CDH13: variants seen among roughly 807,000 people sequenced by gnomAD.
The protein encoded by CDH13 is cadherin-13.
A neutral mutation model predicts 63.8 loss-of-function variants in CDH13; 24 were observed. The observed-to-expected ratio is 0.38, with a 90% CI of 0.27 to 0.53. The LOEUF (loss-of-function observed/expected upper bound fraction) is 0.53. CDH13 is among the 20% of genes least tolerant of loss of function. The pLI, the probability that CDH13 is intolerant of heterozygous loss-of-function variation, is 0.85. For missense variants in CDH13, 1,049 were observed against 903.1 expected (o/e 1.16, Z -2.07); for synonymous variants, 503 against 355.3 (o/e 1.42, Z -4.67).
intron 4 of CDH13, among the ~76,000 whole-genome samples, chr16:83,174,946 A>G (rs1432959774): frequency 2.0e-5 from 3 of 152,208 alleles, no homozygotes; most frequent in Admixed American, 1.3e-4. Context: ...AACTGCCCCC[A>G]TGATCCAGTC....
At chr16:82,834,449 A>G (rs975517698) in intron 1 of CDH13, among the ~76,000 whole-genome samples, 1 of 152,192 alleles carries the variant, frequency 6.6e-6, no homozygotes, top group Non-Finnish European at 1.5e-5. Context: ...TCATACAGCC[A>G]TAAGAAAGTT....
chr16:82,849,060 C>T (rs757814637), intron 1 of CDH13, among the ~76,000 whole-genome samples: 2 of 152,152 alleles, frequency 1.3e-5, no homozygotes, highest in African/African-American at 4.8e-5. Flanking sequence ...CGCAACGTTC[C>T]CTCAAACCAA....
rs370779909 is a variant in CDH13, at chr16:83,082,090, G to A, written c.367-43295G>A. On this transcript the variant is annotated intron_variant, in intron 3 of 13. Transcript: ENST00000567109. ...GCTGGGATTACAGGCCTGAGCCACT[G>A]TGCCCGGCCACCTAATTACTTCTTA... is the stretch of plus-strand genomic sequence containing the variant. Among the ~76,000 whole-genome samples the A allele has an allele frequency of 2.5e-4, 38 of 152,306 alleles. No homozygotes were observed. The East Asian group carries it at 7.0e-3, about 28-fold the overall frequency.
chr16:82,978,402 G>C (rs1011561897), intron 2 of CDH13, among the ~76,000 whole-genome samples: 1 of 152,220 alleles, frequency 6.6e-6, no homozygotes, highest in Non-Finnish European at 1.5e-5. Flanking sequence ...GGGCATGTCA[G>C]GGGTCTTCAT....
intron 7 of CDH13, among the ~76,000 whole-genome samples, chr16:83,592,672 C>A (rs1406653313): frequency 1.3e-5 from 2 of 152,172 alleles, no homozygotes; most frequent in East Asian, 1.9e-4. Flanking sequence ...GTGTTTATTT[C>A]CCCTGCTGCT....
chr16:83,783,468 A>G lies in CDH13; in HGVS notation c.2130A>G (p.Leu710=), dbSNP rs1379804898. The G allele has an allele frequency of 6.2e-6, 10 of 1,613,576 alleles. No individual in the cohort carries two copies. The highest frequency in any genetic ancestry group is 7.6e-6 in the Non-Finnish European group (9 of 1,179,660). Residue 710 remains leucine, a synonymous_variant, in exon 13 of 14, where the codon TTA becomes TTG. Coordinates refer to ENST00000567109, the MANE Select transcript of CDH13 (RefSeq NM_001257.5). ...PSVLLLSLFS[L]ACL is the part of the protein sequence containing the mutation. The stretch of plus-strand genomic sequence containing the variant: ...TCCTGCTCCTCAGCCTCTTCAGCTT[A>G]GCTTGTAAGTTGACCTAACTCCAGT...
At chr16:82,694,458 T>A (rs973486397) in intron 1 of CDH13, among the ~76,000 whole-genome samples, 3 of 152,224 alleles carry the variant, frequency 2.0e-5, no homozygotes, top group African/African-American at 7.2e-5. Context: ...CCTTTTTAGC[T>A]GAATCAATGG....
intron 5 of CDH13, among the ~76,000 whole-genome samples, chr16:83,324,509 C>G (rs900567653): frequency 6.6e-6 from 1 of 152,194 alleles, no homozygotes; most frequent in Non-Finnish European, 1.5e-5. Flanking sequence ...AACACTTGCC[C>G]TTCCATGAGT....
chr16:82,777,660 G>C lies in CDH13; in HGVS notation c.46-80702G>C, dbSNP rs1216111136. Among the ~76,000 whole-genome samples the C allele has an allele frequency of 6.6e-5, 10 of 152,266 alleles. No homozygotes were observed. In the East Asian group the frequency reaches 1.5e-3, roughly 23 times the overall value. ...CAATTTCTGTGCAGCAAGAATATGG[G>C]TGCAGCTTAGCTGGGTCTTTGGGCC... is the stretch of plus-strand genomic sequence containing the variant. On this transcript the variant is annotated intron_variant, in intron 1 of 13. Transcript: ENST00000567109.
intron 4 of CDH13, among the ~76,000 whole-genome samples, chr16:83,201,872 G>C (rs192322972): frequency 1.3e-5 from 2 of 152,034 alleles, no homozygotes; most frequent in African/African-American, 4.8e-5. Context: ...CTGAGATCAC[G>C]CAACTGCACT....
chr16:83,537,702 A>G (rs139964602), intron 7 of CDH13, among the ~76,000 whole-genome samples: 2 of 152,330 alleles, frequency 1.3e-5, no homozygotes, highest in Admixed American at 1.3e-4. Context: ...ATATAGTGGC[A>G]TTCTATGGAA....
intron 2 of CDH13, among the ~76,000 whole-genome samples, chr16:82,910,416 C>T (rs1196684483): frequency 1.3e-5 from 2 of 152,188 alleles, no homozygotes; most frequent in Admixed American, 1.3e-4. Context: ...CCAGCCCCTA[C>T]CTTTTGTCCC....
At chr16:83,064,326 G>A (rs914371879) in intron 3 of CDH13, among the ~76,000 whole-genome samples, 28 of 151,344 alleles carry the variant, frequency 1.9e-4, no homozygotes, top group African/African-American at 5.6e-4. Context: ...CTGAGATGGT[G>A]CCATTGCACT....
At chr16:83,380,089 T>G (rs369067419) in intron 6 of CDH13, among the ~76,000 whole-genome samples, 11 of 151,968 alleles carry the variant, frequency 7.2e-5, no homozygotes, top group East Asian at 3.9e-4. Context: ...ATGCCTAAGA[T>G]GATTCAAAAT....
chr16:83,607,516 C>T (rs1268359073), intron 8 of CDH13, among the ~76,000 whole-genome samples: 1 of 152,222 alleles, frequency 6.6e-6, no homozygotes, highest in Admixed American at 6.5e-5. Context: ...CACATCTCTC[C>T]TATCCTCTGT....
At chr16:83,625,128 A>G (rs1475251263) in intron 8 of CDH13, among the ~76,000 whole-genome samples, 2 of 152,062 alleles carry the variant, frequency 1.3e-5, no homozygotes, top group Non-Finnish European at 2.9e-5. Context: ...TGGGTTAGTT[A>G]TGGTGTTTGC....
chr16:83,028,322 A>G (rs529685585), intron 2 of CDH13, among the ~76,000 whole-genome samples: 36 of 152,362 alleles, frequency 2.4e-4, no homozygotes, highest in African/African-American at 8.7e-4. Context: ...ATGGTTAGAG[A>G]AAGTGAGCAA....
intron 7 of CDH13, among the ~76,000 whole-genome samples, chr16:83,587,825 G>A (rs569430844): frequency 4.6e-5 from 7 of 152,274 alleles, no homozygotes; most frequent in South Asian, 2.1e-4. Flanking sequence ...AGTGCTTGGC[G>A]AATGACAGGA....
intron 4 of CDH13, among the ~76,000 whole-genome samples, chr16:83,190,497 T>C (rs1270135915): frequency 6.6e-6 from 1 of 152,216 alleles, no homozygotes; most frequent in Non-Finnish European, 1.5e-5. Flanking sequence ...TGCCACCATG[T>C]CTTGAGCGCC....
Sources: allele counts gnomAD v4.1 joint callset (sites outside exome capture counted in the v4.1 genomes callset), GRCh38; gene constraint gnomAD v4.1.1; transcripts MANE v1.5; gene names NCBI Gene and HGNC (gene_info 2026-07-23, HGNC 2026-07-21).